LSAMP: variants seen among roughly 807,000 people sequenced by gnomAD.
LSAMP encodes the protein limbic system associated membrane protein.
LSAMP carries 7 observed loss-of-function variants against 38.6 expected under a neutral mutation model. That is an observed-to-expected ratio of 0.18 (90% CI 0.10 to 0.34). The LOEUF (loss-of-function observed/expected upper bound fraction) is 0.34. LSAMP is among the 10% of genes least tolerant of loss of function. The probability of loss-of-function intolerance (pLI) is 1.00; values close to 1 mark genes in which losing one functional copy is unlikely to be tolerated. For missense variants in LSAMP, 313 were observed against 420.0 expected (o/e 0.75, Z 2.23); for synonymous variants, 154 against 166.8 (o/e 0.92, Z 0.59).
chr3:116,160,298 C>T (rs1223149165), intron 1 of LSAMP, among the ~76,000 whole-genome samples: 1 of 151,856 alleles, frequency 6.6e-6, no homozygotes, highest in African/African-American at 2.4e-5. Flanking sequence ...ACTTGGGAGG[C>T]TGAGGTAGGA....
chr3:116,402,222 T>A (rs1486928587), intron 1 of LSAMP, among the ~76,000 whole-genome samples: 1 of 152,228 alleles, frequency 6.6e-6, no homozygotes, highest in Non-Finnish European at 1.5e-5. Flanking sequence ...TAGGCTAATA[T>A]ATCTGAAGAG....
At position 115,839,282 on chromosome 3, in the gene LSAMP, C is replaced by T. The variant is rs530198891; in HGVS notation, c.919+2563G>A. On this transcript the variant is annotated intron_variant, in intron 6 of 6. Transcript: ENST00000490035. ...CTTTCTTTCCTTCCTTCCTTCCTTC[C>T]TTCCTTCCTTCCTTCCTTCCTTCCT... is the stretch of plus-strand genomic sequence containing the variant. Among the ~76,000 whole-genome samples, 446 of 131,930 alleles carry T rather than the reference C, an allele frequency of 3.4e-3. 3 individuals carry two copies. Among genetic ancestry groups the T allele is most frequent in the African/African-American group, 9.5e-3 (311 of 32,888 alleles). 86.6% of individuals were successfully genotyped at this position (131,930 alleles called of 152,430 possible).
At chr3:116,116,292 C>T (rs1487023252) in intron 1 of LSAMP, among the ~76,000 whole-genome samples, 3 of 151,602 alleles carry the variant, frequency 2.0e-5, no homozygotes, top group Non-Finnish European at 4.4e-5. Context: ...TTCTTCTGCT[C>T]AAATCCTTCT....
rs1222132628 is a variant in LSAMP at position 116,193,685 on chromosome 3, G to A, written c.156-107129C>T. ...CAAGCTCAAATTCATATTAAAAACA[G>A]AAGCTGGAGAAGACCAGAAATCCTG... On this transcript the variant is annotated intron_variant, in intron 1 of 6. Transcript: ENST00000490035. Among the ~76,000 whole-genome samples the A allele has an allele frequency of 4.6e-5, 7 of 152,128 alleles. No homozygotes were observed. In the East Asian group the frequency reaches 1.3e-3, roughly 29 times the overall value.
At chr3:116,017,382 T>G (rs918596159) in intron 3 of LSAMP, among the ~76,000 whole-genome samples, 1 of 152,136 alleles carries the variant, frequency 6.6e-6, no homozygotes, top group Admixed American at 6.6e-5. Context: ...CCATTTCCCT[T>G]CTTTTATCTA....
At chr3:116,313,230 C>A (rs565795211) in intron 1 of LSAMP, among the ~76,000 whole-genome samples, 1 of 152,186 alleles carries the variant, frequency 6.6e-6, no homozygotes, top group Admixed American at 6.5e-5. Context: ...CTGCAACACT[C>A]GGCAGTACTC....
chr3:116,307,168 C>A (rs2047495137), intron 1 of LSAMP, among the ~76,000 whole-genome samples: 1 of 152,002 alleles, frequency 6.6e-6, no homozygotes. Flanking sequence ...TTTGCATTCT[C>A]TTTGCCAAAT....
At position 116,012,510 on chromosome 3, in the gene LSAMP, G is replaced by T. The variant is rs568482680; in HGVS notation, c.514+7005C>A. On this transcript the variant is annotated intron_variant, in intron 3 of 6. Transcript: ENST00000490035. ...AAAACTATCTTCTCAGGTGAGAATG[G>T]ATATATGAATAAGCCATGTCAGAAC... Among the ~76,000 whole-genome samples, 13 of 152,296 alleles carry T rather than the reference G, an allele frequency of 8.5e-5. 1 individual carries two copies. In the South Asian group the frequency reaches 2.7e-3, roughly 32 times the overall value.
intron 1 of LSAMP, among the ~76,000 whole-genome samples, chr3:116,249,390 ATT>A (rs11341717): frequency 3.1e-4 from 46 of 148,172 alleles, no homozygotes; most frequent in Admixed American, 9.4e-4. Context: ...AAGATTCTAT[ATT>A]TTTTTTTTTT....
At chr3:116,165,895 A>G (rs1157408666) in intron 1 of LSAMP, among the ~76,000 whole-genome samples, 1 of 152,058 alleles carries the variant, frequency 6.6e-6, no homozygotes, top group African/African-American at 2.4e-5. Flanking sequence ...TTCCCACCCC[A>G]TCCAGGGTAT....
chr3:116,075,862 A>G (rs1181998318), intron 2 of LSAMP, among the ~76,000 whole-genome samples: 2 of 152,092 alleles, frequency 1.3e-5, no homozygotes, highest in Non-Finnish European at 2.9e-5. Context: ...TTAATTTTAT[A>G]TATTTACATA....
intron 1 of LSAMP, among the ~76,000 whole-genome samples, chr3:116,249,871 T>C (rs1481869862): frequency 1.3e-5 from 2 of 152,188 alleles, no homozygotes; most frequent in Non-Finnish European, 2.9e-5. Flanking sequence ...GACAATATCA[T>C]ACTGTCAAAA....
chr3:116,201,846 T>C (rs1336264513), intron 1 of LSAMP, among the ~76,000 whole-genome samples: 2 of 152,184 alleles, frequency 1.3e-5, no homozygotes, highest in African/African-American at 4.8e-5. Context: ...GAGAGAACAA[T>C]AGATTTATTC....
At chr3:116,204,243 G>T (rs1185757606) in intron 1 of LSAMP, among the ~76,000 whole-genome samples, 1 of 150,328 alleles carries the variant, frequency 6.7e-6, no homozygotes, top group Non-Finnish European at 1.5e-5. Context: ...CTTTTTGATG[G>T]GGTTGTTTGT....
intron 1 of LSAMP, among the ~76,000 whole-genome samples, chr3:116,277,361 T>G (rs2047069338): frequency 6.7e-6 from 1 of 149,324 alleles, no homozygotes; most frequent in Middle Eastern, 3.4e-3. Context: ...AAGAATTCAT[T>G]TGCTCATCTT....
chr3:116,133,277 TTTGTTTTGC>T (rs1709175805), intron 1 of LSAMP, among the ~76,000 whole-genome samples: 1 of 151,684 alleles, frequency 6.6e-6, no homozygotes, highest in African/African-American at 2.4e-5. Context: ...TGTTGTTTTG[TTTGTTTTGC>T]TTTGTTTTTG....
intron 3 of LSAMP, among the ~76,000 whole-genome samples, chr3:115,903,743 A>G (rs1936940016): frequency 6.6e-6 from 1 of 152,172 alleles, no homozygotes; most frequent in South Asian, 2.1e-4. Flanking sequence ...CAGGATCTTA[A>G]TAGGTTTAAC....
At chr3:116,264,790 A>G (rs949205296) in intron 1 of LSAMP, among the ~76,000 whole-genome samples, 4 of 152,110 alleles carry the variant, frequency 2.6e-5, no homozygotes, top group African/African-American at 9.7e-5. Context: ...TACTTTTTGC[A>G]GAGAAGAGAT....
intron 2 of LSAMP, among the ~76,000 whole-genome samples, chr3:116,025,360 T>A (rs1405431668): frequency 2.6e-5 from 4 of 152,142 alleles, no homozygotes; most frequent in African/African-American, 9.6e-5. Context: ...TGACCTTTTG[T>A]TGTCATGTAG....
Sources: allele counts gnomAD v4.1 joint callset (sites outside exome capture counted in the v4.1 genomes callset), GRCh38; gene constraint gnomAD v4.1.1; transcripts MANE v1.5; gene names NCBI Gene and HGNC (gene_info 2026-07-23, HGNC 2026-07-21).